DCAF8L2: variants seen among roughly 807,000 people sequenced by gnomAD.
DCAF8L2 encodes the protein DDB1- and CUL4-associated factor 8-like protein 2.
For synonymous variants in DCAF8L2, 200 were observed against 190.9 expected, an observed-to-expected ratio of 1.05 and a Z score of -0.39; for missense variants, 430 against 490.7, an observed-to-expected ratio of 0.88 and a Z score of 1.17.
At chrX:27,541,729 G>A in the DCAF8L2 span, among the ~76,000 whole-genome samples, 1 of 110,883 alleles carries the variant, frequency 9.0e-6, no homozygotes, top group Non-Finnish European at 1.9e-5. Flanking sequence ...TACATATGCA[G>A]GATTGTTACA....
At chrX:27,673,142 T>C (rs1459707600) in intron 2 of DCAF8L2, among the ~76,000 whole-genome samples, 3 of 111,011 alleles carry the variant, frequency 2.7e-5, no homozygotes, top group African/African-American at 6.6e-5. Flanking sequence ...TAAATACTTA[T>C]GTTAAATTTA....
At chrX:27,520,624 C>T in the DCAF8L2 span, among the ~76,000 whole-genome samples, 1 of 111,776 alleles carries the variant, frequency 8.9e-6, no homozygotes, top group Admixed American at 9.5e-5. Context: ...ATGTCCAAAA[C>T]ATTAATAAAA....
rs776502964 is a variant in DCAF8L2, at chrX:27,622,763, A to G, written c.-341-9116A>G. On this transcript the variant is annotated intron_variant, in intron 1 of 4. Coordinates refer to ENST00000451261, the MANE Select transcript of DCAF8L2 (RefSeq NM_001353450.2). Reference sequence around the variant, plus strand: ...AAAAGAAGGAAATAACTACCATACAATTCTGGTTATCTTTGGCAGAGAGAA... The same window carrying G: ...AAAAGAAGGAAATAACTACCATACAGTTCTGGTTATCTTTGGCAGAGAGAA... 5.2e-4 allele frequency among the ~76,000 whole-genome samples: 56 copies of G among 107,790 alleles called. 1 individual carries two copies. Among genetic ancestry groups the G allele is most frequent in the Middle Eastern group, 4.7e-3 (1 of 212 alleles). The allele number at this position is 107,790 out of a possible 115,157, so 93.6% of individuals were successfully genotyped here. A position where few individuals can be genotyped will look rare whatever the true frequency, so the allele number is the denominator to read the frequency against.
the DCAF8L2 span, among the ~76,000 whole-genome samples, chrX:27,546,580 T>TC: frequency 2.2e-4 from 25 of 112,482 alleles, no homozygotes; most frequent in African/African-American, 7.4e-4. Flanking sequence ...TACCAGGACA[T>TC]CCAGGCATTT....
At chrX:27,586,515 C>A (rs1235965743), upstream of DCAF8L2, among the ~76,000 whole-genome samples, 1 of 111,340 alleles carries the variant, frequency 9.0e-6, no homozygotes, top group Non-Finnish European at 1.9e-5. Context: ...ATCCACTGGA[C>A]AGCAATTCCT....
At chrX:27,672,845 T>C (rs1177476586) in intron 2 of DCAF8L2, among the ~76,000 whole-genome samples, 1 of 112,271 alleles carries the variant, frequency 8.9e-6, no homozygotes, top group Non-Finnish European at 1.9e-5. Context: ...CAAATTTGAA[T>C]TTCCAGTTGG....
upstream of DCAF8L2, among the ~76,000 whole-genome samples, chrX:27,589,095 G>A (rs1015546867): frequency 1.1e-4 from 7 of 66,350 alleles, no homozygotes; most frequent in Non-Finnish European, 1.4e-4. Flanking sequence ...CAAGTTCTTA[G>A]TGTCACTCAT....
intron 1 of DCAF8L2, among the ~76,000 whole-genome samples, chrX:27,595,338 G>A (rs1926303019): frequency 2.7e-5 from 3 of 111,297 alleles, no homozygotes; most frequent in East Asian, 2.8e-4. Context: ...CTCCAAACTC[G>A]ATTTTTGCCA....
the DCAF8L2 span, among the ~76,000 whole-genome samples, chrX:27,534,346 T>C: frequency 8.9e-6 from 1 of 112,431 alleles, no homozygotes; most frequent in East Asian, 2.8e-4. Flanking sequence ...CTGCAACTTA[T>C]TCTCAAAAGT....
chrX:27,730,151 A>G (rs990432798), intron 4 of DCAF8L2, among the ~76,000 whole-genome samples: 1 of 112,302 alleles, frequency 8.9e-6, no homozygotes. Flanking sequence ...TTAGTTCTCT[A>G]TAAGTCCTAA....
In DCAF8L2 at chrX:27,744,699, T is replaced by C. The variant is rs932045853; in HGVS notation, c.-58-2139T>C. 7.1e-5 allele frequency among the ~76,000 whole-genome samples: 8 copies of C among 112,026 alleles called. No individual in the cohort carries two copies. The Admixed American group carries it at 7.6e-4, about 11-fold the overall frequency. On this transcript the variant is annotated intron_variant, in intron 4 of 4. Coordinates refer to ENST00000451261, the MANE Select transcript of DCAF8L2 (RefSeq NM_001353450.2). ...TTGGATCATGGGGATAGATCCTTCA[T>C]GAATGGCTTGGTGCCTTCTCTCCAG...
At chrX:27,587,985 A>AAATATATATATATATATATATAT, upstream of DCAF8L2, among the ~76,000 whole-genome samples, 1 of 22,369 alleles carries the variant, frequency 4.5e-5, no homozygotes, top group African/African-American at 9.8e-5. Context: ...TAAAAAAAAA[A>AAATATATATATATATATATATAT]ATATATATAT....
At chrX:27,702,744 C>A (rs1931179225) in intron 3 of DCAF8L2, among the ~76,000 whole-genome samples, 1 of 111,479 alleles carries the variant, frequency 9.0e-6, no homozygotes, top group African/African-American at 3.2e-5. Context: ...CCATAACTAA[C>A]ATCACATTTA....
intron 2 of DCAF8L2, among the ~76,000 whole-genome samples, chrX:27,651,129 A>G (rs1929133391): frequency 8.9e-6 from 1 of 112,166 alleles, no homozygotes; most frequent in Non-Finnish European, 1.9e-5. Context: ...CCAAACTTGC[A>G]TATCAGAAAT....
upstream of DCAF8L2, among the ~76,000 whole-genome samples, chrX:27,589,402 G>A (rs1197300465): frequency 8.9e-6 from 1 of 112,122 alleles, no homozygotes; most frequent in East Asian, 2.8e-4. Context: ...GAGAATAAAT[G>A]TAGCAAGCAC....
chrX:27,677,390 T>C lies in DCAF8L2; in HGVS notation c.-219-446T>C, dbSNP rs962089399. Among the ~76,000 whole-genome samples the C allele has an allele frequency of 9.8e-5, 11 of 112,102 alleles. No individual in the cohort carries two copies. In the East Asian group the frequency reaches 3.1e-3, roughly 31 times the overall value. ...AACAAATAAAATGTAGAAATGTCTC[T>C]ATGATAAGCTAAGAAAAAGAGAAAT... On this transcript the variant is annotated intron_variant, in intron 2 of 4. Coordinates refer to ENST00000451261, the MANE Select transcript of DCAF8L2 (RefSeq NM_001353450.2).
the DCAF8L2 span, among the ~76,000 whole-genome samples, chrX:27,501,283 G>A: frequency 9.6e-6 from 1 of 104,287 alleles, no homozygotes; most frequent in Non-Finnish European, 2.0e-5. Flanking sequence ...CTGTGTGTGT[G>A]TATGTGTGTG....
At chrX:27,560,546 G>A in the DCAF8L2 span, among the ~76,000 whole-genome samples, 10 of 111,719 alleles carry the variant, frequency 9.0e-5, no homozygotes, top group Non-Finnish European at 1.3e-4. Flanking sequence ...TAGCTACTAT[G>A]CAGCTTACTT....
the DCAF8L2 span, among the ~76,000 whole-genome samples, chrX:27,502,341 T>A: frequency 0.013 from 391 of 29,678 alleles, 2 homozygotes; most frequent in African/African-American, 0.017. Context: ...AAAAAATATA[T>A]ATATATATAT....
Sources: allele counts gnomAD v4.1 joint callset (sites outside exome capture counted in the v4.1 genomes callset), GRCh38; gene constraint gnomAD v4.1.1; transcripts MANE v1.5; gene names NCBI Gene and HGNC (gene_info 2026-07-23, HGNC 2026-07-21).